JADE3: variants seen among roughly 807,000 people sequenced by gnomAD.
The protein encoded by JADE3 is jade family PHD finger 3, also known as protein Jade-3.
Under a neutral mutation model 50.1 loss-of-function variants are expected in JADE3, and 2 were observed. The ratio of observed to expected loss-of-function variants is 0.04; its 90% confidence interval spans 0.02 to 0.13. The LOEUF (loss-of-function observed/expected upper bound fraction) is 0.13. JADE3 is among the 10% of genes least tolerant of loss of function. The probability of loss-of-function intolerance (pLI) is 1.00; values close to 1 mark genes in which losing one functional copy is unlikely to be tolerated. For synonymous variants in JADE3, 218 were observed against 232.9 expected (o/e 0.94, Z 0.58); for missense variants, 475 against 634.4 (o/e 0.75, Z 2.70).
intron 1 of JADE3, among the ~76,000 whole-genome samples, chrX:46,959,812 A>T: frequency 9.1e-6 from 1 of 110,049 alleles, no homozygotes; most frequent in Non-Finnish European, 1.9e-5. Flanking sequence ...GCAGAGTATC[A>T]CAGGTAGGAC....
At chrX:46,913,368 C>A (rs919950544) in intron 1 of JADE3, among the ~76,000 whole-genome samples, 2 of 111,027 alleles carry the variant, frequency 1.8e-5, no homozygotes, top group Non-Finnish European at 3.8e-5. Flanking sequence ...ACTTTCCCTC[C>A]CACTGGCGGC....
rs190712523 is a variant in JADE3, at chrX:47,061,194, A to G, written c.*2117A>G. Reference sequence around the variant, plus strand: ...CCAAGATAAGCTCAGTCCTTTTTCAAATGTCCCCTTTTTACCAATACTTTT... The same window carrying G: ...CCAAGATAAGCTCAGTCCTTTTTCAGATGTCCCCTTTTTACCAATACTTTT... On this transcript the variant is annotated 3_prime_UTR_variant, in exon 11 of 11. Coordinates refer to ENST00000614628, the MANE Select transcript of JADE3 (RefSeq NM_014735.5). 4.5e-5 allele frequency: 5 copies of G among 111,566 alleles called. No homozygotes were observed. Among genetic ancestry groups the G allele is most frequent in the African/African-American group, 1.3e-4 (4 of 30,690 alleles). The allele number at this position is 111,566 out of a possible 1,213,427, so 9.2% of individuals were successfully genotyped here. A position where few individuals can be genotyped will look rare whatever the true frequency, so the allele number is the denominator to read the frequency against.
rs183096443 is a variant in JADE3, at chrX:47,036,225, A to C, written c.855+2437A>C. ...GTAAATTTGGTTGAGTTCATTGTAGATTCTGGATATTAGCCCTTTGTCAGA... is the reference window on the plus strand; with the variant it reads ...GTAAATTTGGTTGAGTTCATTGTAGCTTCTGGATATTAGCCCTTTGTCAGA... On this transcript the variant is annotated intron_variant, in intron 7 of 10. Transcript: ENST00000614628. Among the ~76,000 whole-genome samples the C allele has an allele frequency of 5.7e-4, 63 of 111,260 alleles. No homozygotes were observed. In the East Asian group the frequency reaches 0.013, roughly 23 times the overall value.
At chrX:47,057,722 G>T in intron 10 of JADE3, among the ~76,000 whole-genome samples, 1 of 111,939 alleles carries the variant, frequency 8.9e-6, no homozygotes, top group Middle Eastern at 4.6e-3. Context: ...GCTTCAGGAA[G>T]GCCAGAAGAG....
Position 47,046,792 on chromosome X carries a change from C to T in JADE3, c.973-7366C>T, listed in dbSNP as rs187650245. ...GTTTTTGTCCCTCATGCTGAAGATACGATTTTTCACACTGCTTGATTTGCA... is the reference window on the plus strand; with the variant it reads ...GTTTTTGTCCCTCATGCTGAAGATATGATTTTTCACACTGCTTGATTTGCA... On this transcript the variant is annotated intron_variant, in intron 8 of 10. Coordinates refer to ENST00000614628, the MANE Select transcript of JADE3 (RefSeq NM_014735.5). 2.3e-4 allele frequency among the ~76,000 whole-genome samples: 26 copies of T among 112,328 alleles called. No homozygotes were observed. In the East Asian group the frequency reaches 5.6e-3, roughly 24 times the overall value.
In JADE3 at chrX:47,059,339, T is replaced by G; in HGVS notation, c.*262T>G. On this transcript the variant is annotated 3_prime_UTR_variant, in exon 11 of 11. Coordinates refer to ENST00000614628, the MANE Select transcript of JADE3 (RefSeq NM_014735.5). ...GGGCCCAGGGTATTTGCTCAGTAAA[T>G]ATTTTGGGGCAGCTTTCCGGTTATA... 1 of 306,587 alleles carries G rather than the reference T, an allele frequency of 3.3e-6. No individual in the cohort carries two copies. Among genetic ancestry groups the G allele is most frequent in the South Asian group, 1.1e-4 (1 of 9,436 alleles). 25.3% of individuals were successfully genotyped at this position (306,587 alleles called of 1,213,427 possible).
At chrX:46,980,584 T>C (rs1927726050) in intron 1 of JADE3, among the ~76,000 whole-genome samples, 1 of 111,498 alleles carries the variant, frequency 9.0e-6, no homozygotes, top group Admixed American at 9.6e-5. Context: ...GCCCTGGATA[T>C]GCTTCTGAGA....
chrX:46,931,544 C>T (rs1462201457), intron 1 of JADE3, among the ~76,000 whole-genome samples: 2 of 110,162 alleles, frequency 1.8e-5, no homozygotes, highest in African/African-American at 6.6e-5. Context: ...GCCTCAGCCT[C>T]CTGAGTAGCT....
chrX:47,058,296 C>A lies in JADE3; in HGVS notation c.1691C>A (p.Pro564His). Reference protein sequence around the residue: ...RNSSTETDQQPHSPDSSSSVH... With the variant: ...RNSSTETDQQHHSPDSSSSVH... ...AGCTCCACAGAAACCGATCAGCAGC[C>A]CCACTCTCCTGACAGCAGCTCATCT... Residue 564 changes from proline (P) to histidine (H), a missense_variant, in exon 11 of 11, where the codon CCC becomes CAC. By Grantham distance (77) the Pro-to-His change is moderately conservative. Coordinates refer to ENST00000614628, the MANE Select transcript of JADE3 (RefSeq NM_014735.5). 2 of 1,210,982 alleles carry A rather than the reference C, an allele frequency of 1.7e-6. No homozygotes were observed. The highest frequency in any genetic ancestry group is 2.2e-6 in the Non-Finnish European group (2 of 895,254).
At chrX:46,964,888 AT>A (rs1439060955) in intron 1 of JADE3, among the ~76,000 whole-genome samples, 1 of 112,383 alleles carries the variant, frequency 8.9e-6, no homozygotes, top group Non-Finnish European at 1.9e-5. Flanking sequence ...AGTATGCTAG[AT>A]TTGGCCCATG....
At chrX:47,016,124 G>A (rs782354974) in intron 4 of JADE3, among the ~76,000 whole-genome samples, 4 of 110,750 alleles carry the variant, frequency 3.6e-5, no homozygotes, top group South Asian at 7.8e-4. Context: ...GGCAGCGGGG[G>A]TAGGCTTTGA....
chrX:47,006,947 T>G (rs1352162095), intron 4 of JADE3, among the ~76,000 whole-genome samples: 2 of 110,539 alleles, frequency 1.8e-5, no homozygotes, highest in African/African-American at 3.3e-5. Context: ...ATCTTTCTGT[T>G]GCTGATTTCT....
At chrX:46,984,969 CCTTT>C in intron 2 of JADE3, 29 bp downstream of exon 2, 1 of 1,134,394 alleles carries the variant, frequency 8.8e-7, no homozygotes, top group African/African-American at 1.8e-5. Flanking sequence ...CAGCTGGTAA[CCTTT>C]CTATCTATAT....
chrX:46,955,844 A>G (rs983682009), intron 1 of JADE3, among the ~76,000 whole-genome samples: 1 of 110,759 alleles, frequency 9.0e-6, no homozygotes, highest in African/African-American at 3.3e-5. Context: ...TTTCCTCCAT[A>G]CAGTTTTGAG....
intron 3 of JADE3, among the ~76,000 whole-genome samples, chrX:46,989,096 C>T (rs1927925233): frequency 9.0e-6 from 1 of 111,539 alleles, no homozygotes. Flanking sequence ...CCTTGGCCTC[C>T]CAAAGTGCTG....
At chrX:47,041,896 C>T (rs782805498) in intron 8 of JADE3, among the ~76,000 whole-genome samples, 4 of 111,310 alleles carry the variant, frequency 3.6e-5, no homozygotes, top group African/African-American at 1.3e-4. Flanking sequence ...AGGCTGGTCT[C>T]GAACCTCAGG....
Position 47,058,765 on chromosome X carries a change from C to T in JADE3, c.2160C>T (p.Thr720=). The change falls in exon 11 of 11, where the codon ACC becomes ACT. Residue 720 remains threonine, a synonymous_variant. Coordinates refer to ENST00000614628, the MANE Select transcript of JADE3 (RefSeq NM_014735.5). The part of the protein sequence containing the change: ...EHFSRSFKET[T]NRWVKNTEDL... ...TTAGTAGGTCCTTTAAAGAGACCAC[C>T]AATAGGTGGGTGAAGAACACAGAGG... is the stretch of plus-strand genomic sequence containing the variant. 2 of 1,209,220 alleles carry T rather than the reference C, an allele frequency of 1.7e-6. No homozygotes were observed. Among genetic ancestry groups the T allele is most frequent in the Non-Finnish European group, 2.2e-6 (2 of 893,534 alleles).
At chrX:47,030,823 G>A (rs191389691) in intron 6 of JADE3, among the ~76,000 whole-genome samples, 4 of 111,461 alleles carry the variant, frequency 3.6e-5, no homozygotes, top group South Asian at 3.8e-4. Context: ...AGGCCGAGGC[G>A]GGTGGATCAC....
chrX:46,969,536 A>G (rs1216867514), intron 1 of JADE3, among the ~76,000 whole-genome samples: 1 of 112,166 alleles, frequency 8.9e-6, no homozygotes, highest in African/African-American at 3.2e-5. Context: ...AGATGAAAAT[A>G]TACCATATCA....
Sources: gnomAD v4.1 joint callset for allele counts (sites outside exome capture counted in the v4.1 genomes callset) on GRCh38, gnomAD v4.1.1 for gene constraint, MANE v1.5 for transcripts, NCBI Gene and HGNC (gene_info 2026-07-23, HGNC 2026-07-21) for gene names.